CHRNA7: variants seen among roughly 807,000 people sequenced by gnomAD.
CHRNA7 encodes the protein cholinergic receptor nicotinic alpha 7 subunit, also known as neuronal acetylcholine receptor subunit alpha-7.
CHRNA7 carries 17 observed loss-of-function variants against 48.0 expected under a neutral mutation model. The observed-to-expected ratio is 0.35, with a 90% confidence interval of 0.24 to 0.53. The LOEUF is 0.53. Ranked by LOEUF, CHRNA7 falls within the 20% of genes least tolerant of loss-of-function variation. The pLI, the probability that CHRNA7 is intolerant of heterozygous loss-of-function variation, is 0.92. For missense variants in CHRNA7, 155 were observed against 577.7 expected (o/e 0.27, Z 7.50); for synonymous variants, 75 against 242.3 (o/e 0.31, Z 6.41).
intron 2 of CHRNA7, among the ~76,000 whole-genome samples, chr15:32,045,911 A>G (rs994691815): frequency 2.7e-5 from 4 of 147,860 alleles, no homozygotes; most frequent in African/African-American, 7.5e-5. Flanking sequence ...GAGTGAGAAC[A>G]TGTGGTGTTT....
rs759803109 is a variant in CHRNA7, at chr15:32,145,794, G to A, written c.351-8113G>A. 4.6e-5 allele frequency among the ~76,000 whole-genome samples: 7 copies of A among 152,192 alleles called. No individual in the cohort carries two copies. The South Asian group carries it at 6.2e-4, about 14-fold the overall frequency. ...CCGTTGAAAAGTGCAGTATTTGGGC[G>A]GGAGTGTACTGTTTTTCCAGGTACA... On this transcript the variant is annotated intron_variant, in intron 4 of 9. Transcript: ENST00000306901.
chr15:32,061,277 C>T (rs1276356214), intron 2 of CHRNA7, among the ~76,000 whole-genome samples: 3 of 152,026 alleles, frequency 2.0e-5, no homozygotes, highest in African/African-American at 7.2e-5. Context: ...CAGGTAGTGG[C>T]AACAGAAGAG....
At chr15:32,068,701 T>TG in intron 2 of CHRNA7, among the ~76,000 whole-genome samples, 1 of 150,676 alleles carries the variant, frequency 6.6e-6, no homozygotes, top group Non-Finnish European at 1.5e-5. Context: ...CCAGCCTGGG[T>TG]GGCAGAGCAA....
intron 2 of CHRNA7, among the ~76,000 whole-genome samples, chr15:32,092,705 A>G (rs983598051): frequency 1.6e-4 from 24 of 152,316 alleles, no homozygotes; most frequent in Non-Finnish European, 3.1e-4. Context: ...AGAAATATCA[A>G]ATAACAAAAA....
rs575452985 is a variant in CHRNA7, at chr15:32,134,266, C to T, written c.351-19641C>T. Reference sequence around the variant, plus strand: ...CTTCACTTCCCAAGTTCAAACAATTCTTGTGCCTTAACCTCCTGAGTAGCT... The same window carrying T: ...CTTCACTTCCCAAGTTCAAACAATTTTTGTGCCTTAACCTCCTGAGTAGCT... On this transcript the variant is annotated intron_variant, in intron 4 of 9. Coordinates refer to ENST00000306901, the MANE Select transcript of CHRNA7 (RefSeq NM_000746.6). Among the ~76,000 whole-genome samples, 6 of 152,036 alleles carry T rather than the reference C, an allele frequency of 3.9e-5. No homozygotes were observed. The East Asian group carries it at 1.2e-3, about 29-fold the overall frequency.
rs891169953 is a variant in CHRNA7, at chr15:32,149,071, C to T, written c.351-4836C>T. ...AAGAGTGGGCCCCAGTCATTGCTGG[C>T]TGGGGGAGGACAAAGGCAGCCAGAT... On this transcript the variant is annotated intron_variant, in intron 4 of 9. Coordinates refer to ENST00000306901, the MANE Select transcript of CHRNA7 (RefSeq NM_000746.6). This position sits in a 1 kb window ranked among gnomAD's most constrained non-coding sequence, Gnocchi z 4.6. Among the ~76,000 whole-genome samples the T allele has an allele frequency of 3.3e-5, 5 of 152,192 alleles. No individual in the cohort carries two copies. Among genetic ancestry groups the T allele is most frequent in the Non-Finnish European group, 7.3e-5 (5 of 68,034 alleles).
chr15:32,148,675 A>G (rs972670457), intron 4 of CHRNA7, among the ~76,000 whole-genome samples: 3 of 152,200 alleles, frequency 2.0e-5, no homozygotes, highest in African/African-American at 7.2e-5. Context: ...TTGTAATCCC[A>G]TAAGGATTGG....
In CHRNA7 at chr15:32,114,063, T is replaced by C. The variant is rs867169350; in HGVS notation, c.350+2164T>C. On this transcript the variant is annotated intron_variant, in intron 4 of 9. Coordinates refer to ENST00000306901, the MANE Select transcript of CHRNA7 (RefSeq NM_000746.6). The stretch of plus-strand genomic sequence containing the variant: ...ATATATGTATATATATATATATACA[T>C]ATATATATATATACACATACATACA... Among the ~76,000 whole-genome samples, 460 of 113,790 alleles carry C rather than the reference T, an allele frequency of 4.0e-3. 2 individuals carry two copies. Among genetic ancestry groups the C allele is most frequent in the African/African-American group, 0.012 (395 of 32,306 alleles). The allele number at this position is 113,790 out of a possible 152,430, so 74.7% of individuals were successfully genotyped here.
chr15:32,055,581 G>A (rs919170011), intron 2 of CHRNA7, among the ~76,000 whole-genome samples: 1 of 152,158 alleles, frequency 6.6e-6, no homozygotes, highest in African/African-American at 2.4e-5. Flanking sequence ...CATTCAGGAG[G>A]GTGGGGCCTT....
Position 32,146,352 on chromosome 15 carries a change from G to A in CHRNA7, c.351-7555G>A, listed in dbSNP as rs190923975. 4.0e-4 allele frequency among the ~76,000 whole-genome samples: 61 copies of A among 152,266 alleles called. 1 individual carries two copies. In the East Asian group the frequency reaches 8.3e-3, roughly 21 times the overall value. The stretch of plus-strand genomic sequence containing the variant: ...GCTGAAACATTAGAAGTTTCTAAAC[G>A]TAGAATAAAATAAGAATATCAGTGT... On this transcript the variant is annotated intron_variant, in intron 4 of 9. Transcript: ENST00000306901.
chr15:32,144,855 T>G (rs1048077146), intron 4 of CHRNA7, among the ~76,000 whole-genome samples: 5 of 152,320 alleles, frequency 3.3e-5, no homozygotes, highest in African/African-American at 1.2e-4. Context: ...TTGCAATGGG[T>G]TCGAACATGC....
chr15:32,163,354 C>T lies in CHRNA7; in HGVS notation c.990+19C>T, dbSNP rs770630869. On this transcript the variant is annotated intron_variant, in intron 9 of 9. Transcript: ENST00000306901. ...CAAGTGGGTACGTTCCTCCCACCCC[C>T]GATGGAGTCGGAGCCCCCCTGTAAA... The T allele has an allele frequency of 6.3e-5, 43 of 686,036 alleles. 13 individuals are homozygous for T. Among genetic ancestry groups the T allele is most frequent in the African/African-American group, 1.8e-4 (6 of 33,718 alleles). 42.5% of individuals were successfully genotyped at this position (686,036 alleles called of 1,614,324 possible).
At chr15:32,046,302 C>T (rs2049544925) in intron 2 of CHRNA7, among the ~76,000 whole-genome samples, 1 of 147,518 alleles carries the variant, frequency 6.8e-6, no homozygotes, top group African/African-American at 2.6e-5. Context: ...AAAAGTGTTC[C>T]TATTTCTCCA....
At chr15:32,042,304 C>G (rs2049463448) in intron 2 of CHRNA7, among the ~76,000 whole-genome samples, 3 of 152,086 alleles carry the variant, frequency 2.0e-5, no homozygotes, top group Admixed American at 2.0e-4. Flanking sequence ...TCAGTATTTC[C>G]CTTCCCTTGT....
intron 2 of CHRNA7, among the ~76,000 whole-genome samples, chr15:32,074,468 T>C (rs1477086994): frequency 6.6e-6 from 1 of 150,738 alleles, no homozygotes; most frequent in Non-Finnish European, 1.5e-5. Flanking sequence ...AAGAAATTAT[T>C]GATTATTTTA....
intron 2 of CHRNA7, among the ~76,000 whole-genome samples, chr15:32,042,223 G>A (rs1486376897): frequency 6.6e-6 from 1 of 152,146 alleles, no homozygotes; most frequent in East Asian, 1.9e-4. Context: ...CTCTGGACAC[G>A]AACTTCATAG....
At chr15:32,138,599 G>T in intron 4 of CHRNA7, among the ~76,000 whole-genome samples, 1 of 152,050 alleles carries the variant, frequency 6.6e-6, no homozygotes, top group East Asian at 1.9e-4. Context: ...CTGTGGGTTT[G>T]CACAGATGTA....
At chr15:32,081,175 T>G (rs72713574) in intron 2 of CHRNA7, among the ~76,000 whole-genome samples, 1 of 151,896 alleles carries the variant, frequency 6.6e-6, no homozygotes, top group Non-Finnish European at 1.5e-5. Context: ...TCAGGAAAAA[T>G]AGCAAATGCA....
intron 2 of CHRNA7, among the ~76,000 whole-genome samples, chr15:32,086,140 C>T (rs1430688139): frequency 1.3e-5 from 2 of 152,038 alleles, no homozygotes; most frequent in Non-Finnish European, 2.9e-5. Flanking sequence ...GAGGCTGAGG[C>T]GGGCAGATCA....
Sources: gnomAD v4.1 joint callset for allele counts (sites outside exome capture counted in the v4.1 genomes callset) on GRCh38, gnomAD v4.1.1 for gene constraint, Gnocchi (gnomAD v3.1) non-coding constraint, MANE v1.5 for transcripts, NCBI Gene and HGNC (gene_info 2026-07-23, HGNC 2026-07-21) for gene names.